Variants in CHRM3 observed in about 807,000 individuals in gnomAD.
CHRM3 encodes the protein cholinergic receptor muscarinic 3.
CHRM3 carries 11 observed loss-of-function variants against 41.8 expected under a neutral mutation model. That is an observed-to-expected ratio of 0.26 (90% CI 0.17 to 0.44). The LOEUF is 0.44. Ranked by LOEUF, CHRM3 falls within the 20% of genes least tolerant of loss-of-function variation. The probability of loss-of-function intolerance (pLI) is 1.00; values close to 1 mark genes in which losing one functional copy is unlikely to be tolerated. For synonymous variants in CHRM3, 297 were observed against 301.4 expected, an observed-to-expected ratio of 0.99 and a Z score of 0.15; for missense variants, 571 against 745.4, an observed-to-expected ratio of 0.77 and a Z score of 2.72.
intron 6 of CHRM3, among the ~76,000 whole-genome samples, chr1:239,902,825 A>C (rs1226086685): frequency 6.6e-6 from 1 of 152,206 alleles, no homozygotes; most frequent in African/African-American, 2.4e-5. Context: ...GGGTAAGCAA[A>C]TGCCTATAAG....
At chr1:239,390,522 C>T (rs1338668992) in intron 1 of CHRM3, among the ~76,000 whole-genome samples, 3 of 151,800 alleles carry the variant, frequency 2.0e-5, no homozygotes, top group African/African-American at 7.3e-5. Context: ...AGTATTTCTT[C>T]AAATCACTCA....
intron 5 of CHRM3, among the ~76,000 whole-genome samples, chr1:239,738,602 A>G (rs1324990174): frequency 2.0e-5 from 3 of 151,966 alleles, no homozygotes; most frequent in Admixed American, 2.0e-4. Flanking sequence ...TGTAAATTTG[A>G]TATTAGAAAC....
chr1:239,653,963 T>C (rs1025917302), intron 4 of CHRM3, among the ~76,000 whole-genome samples: 3 of 152,304 alleles, frequency 2.0e-5, no homozygotes, highest in South Asian at 4.2e-4. Context: ...TCTTTTTTAA[T>C]TTTTTAAAAT....
intron 1 of CHRM3, among the ~76,000 whole-genome samples, chr1:239,438,995 T>A (rs1663493982): frequency 6.6e-6 from 1 of 152,170 alleles, no homozygotes; most frequent in Admixed American, 6.5e-5. Flanking sequence ...ACATAATAAT[T>A]CCCCTCCTGA....
chr1:239,861,856 C>G (rs1055349326), intron 6 of CHRM3, among the ~76,000 whole-genome samples: 2 of 152,108 alleles, frequency 1.3e-5, no homozygotes, highest in African/African-American at 2.4e-5. Context: ...AATAAGAAAA[C>G]TGACTAAATA....
intron 4 of CHRM3, among the ~76,000 whole-genome samples, chr1:239,664,721 A>T (rs1673591998): frequency 6.6e-6 from 1 of 151,722 alleles, no homozygotes; most frequent in South Asian, 2.1e-4. Context: ...ATCTCATGTT[A>T]CCCTCTTTGA....
intron 1 of CHRM3, among the ~76,000 whole-genome samples, chr1:239,422,596 C>G (rs571096969): frequency 4.0e-4 from 61 of 152,064 alleles, no homozygotes; most frequent in Admixed American, 2.1e-3. Flanking sequence ...GAGATAGAGA[C>G]CACCCTGGCT....
At chr1:239,465,005 C>A (rs1471638340) in intron 1 of CHRM3, among the ~76,000 whole-genome samples, 1 of 152,096 alleles carries the variant, frequency 6.6e-6, no homozygotes, top group Non-Finnish European at 1.5e-5. Context: ...ATGGAGAATT[C>A]AAAATCTGTG....
chr1:239,458,552 A>T (rs2147864428), intron 1 of CHRM3, among the ~76,000 whole-genome samples: 1 of 152,302 alleles, frequency 6.6e-6, no homozygotes, highest in Non-Finnish European at 1.5e-5. Flanking sequence ...TTTAAAACTA[A>T]TGTAGGAATG....
At chr1:239,729,928 C>T (rs1378785004) in intron 5 of CHRM3, among the ~76,000 whole-genome samples, 2 of 151,844 alleles carry the variant, frequency 1.3e-5, no homozygotes, top group Non-Finnish European at 2.9e-5. Context: ...GAAAACAATA[C>T]TAAAATACTC....
intron 3 of CHRM3, among the ~76,000 whole-genome samples, chr1:239,562,135 A>G (rs1397535402): frequency 6.6e-6 from 1 of 152,268 alleles, no homozygotes; most frequent in Admixed American, 6.5e-5. Context: ...AATTTAAGAC[A>G]TCTTTCTCGA....
chr1:239,495,435 A>G (rs1232047098), intron 2 of CHRM3, among the ~76,000 whole-genome samples: 3 of 152,264 alleles, frequency 2.0e-5, no homozygotes, highest in East Asian at 1.9e-4. Flanking sequence ...CACTCCTTCA[A>G]GTGCAAATTC....
rs528757887 is a variant in CHRM3 at position 239,401,084 on chromosome 1, T to C, written c.-521+13857T>C. ...GCTTGAAAAGAAAATCAAAGTTGAT[T>C]CTGGGAGGGACTGAAACATTCCCAC... On this transcript the variant is annotated intron_variant, in intron 1 of 6. Transcript: ENST00000676153. Among the ~76,000 whole-genome samples, 6 of 152,220 alleles carry C rather than the reference T, an allele frequency of 3.9e-5. 1 individual carries two copies. In the South Asian group the frequency reaches 1.2e-3, roughly 32 times the overall value.
rs150886187 is a variant in CHRM3, at chr1:239,529,999, G to T, written c.-421-15642G>T. On this transcript the variant is annotated intron_variant, in intron 2 of 6. Coordinates refer to ENST00000676153, the MANE Select transcript of CHRM3 (RefSeq NM_001375978.1). The stretch of plus-strand genomic sequence containing the variant: ...TGCAAGCTCCGCCTCCCAGGTTCAC[G>T]CCATTATCCTGCCTCAGCCTCCCGA... Among the ~76,000 whole-genome samples the T allele has an allele frequency of 6.6e-5, 10 of 151,948 alleles. No individual in the cohort carries two copies. In the South Asian group the frequency reaches 1.2e-3, roughly 19 times the overall value.
At chr1:239,490,664 C>T (rs1667495638) in intron 1 of CHRM3, among the ~76,000 whole-genome samples, 1 of 152,132 alleles carries the variant, frequency 6.6e-6, no homozygotes. Context: ...TGGCCTCAAG[C>T]AATCCTTTGG....
chr1:239,669,022 C>A (rs1014968453), intron 4 of CHRM3, among the ~76,000 whole-genome samples: 1 of 152,120 alleles, frequency 6.6e-6, no homozygotes, highest in Admixed American at 6.6e-5. Flanking sequence ...CTTTTCTGAG[C>A]GACTTCATCC....
chr1:239,908,664 G>T lies in CHRM3; in HGVS notation c.1213G>T (p.Ala405Ser). ...GGGGATGGTGGACTTGGAGAGGAAA[G>T]CCGACAAGCTGCAGGCCCAGAAGAG... ...ELGMVDLERK[A>S]DKLQAQKSVD... is the part of the protein sequence containing the mutation. Residue 405 changes from alanine (A) to serine (S), a missense_variant, in exon 7 of 7, where the codon GCC (alanine) becomes TCC (serine). Coordinates refer to ENST00000676153, the MANE Select transcript of CHRM3 (RefSeq NM_001375978.1). The surrounding 1 kb of genome is among the most constrained non-coding windows in gnomAD (Gnocchi z 7.2). The T allele has an allele frequency of 6.2e-7, 1 of 1,612,822 alleles. No homozygotes were observed. The highest frequency in any genetic ancestry group is 8.5e-7 in the Non-Finnish European group (1 of 1,179,444).
At chr1:239,514,535 T>A (rs1247766525) in intron 2 of CHRM3, among the ~76,000 whole-genome samples, 2 of 151,780 alleles carry the variant, frequency 1.3e-5, no homozygotes, top group South Asian at 2.1e-4. Context: ...CTGGATTTTC[T>A]ACATAGAAAG....
chr1:239,656,213 A>G (rs1672697351), intron 4 of CHRM3, among the ~76,000 whole-genome samples: 3 of 152,114 alleles, frequency 2.0e-5, no homozygotes. Context: ...CATGTTCATT[A>G]TTTGGTTAAC....
Sources: gnomAD v4.1 joint callset for allele counts (sites outside exome capture counted in the v4.1 genomes callset) on GRCh38, gnomAD v4.1.1 for gene constraint, Gnocchi (gnomAD v3.1) non-coding constraint, MANE v1.5 for transcripts, NCBI Gene and HGNC (gene_info 2026-07-23, HGNC 2026-07-21) for gene names.